Variants in MAST4 observed in about 807,000 individuals in gnomAD.
The protein encoded by MAST4 is microtubule-associated serine/threonine-protein kinase 4.
Under a neutral mutation model 162.7 loss-of-function variants are expected in MAST4, and 89 were observed. That is an observed-to-expected ratio of 0.55 (90% CI 0.46 to 0.65). The LOEUF (loss-of-function observed/expected upper bound fraction) is 0.65, where lower values mean the gene tolerates loss of function less well. Ranked by LOEUF, MAST4 falls within the 30% of genes least tolerant of loss-of-function variation. The pLI is 0.00. For missense variants in MAST4, 3,153 were observed against 3,374.0 expected (o/e 0.93, Z 1.62); for synonymous variants, 1,479 against 1,361.1 (o/e 1.09, Z -1.91).
At chr5:66,950,182 G>A (rs10500564) in intron 4 of MAST4, among the ~76,000 whole-genome samples, 8,388 of 151,790 alleles carry the variant, frequency 0.055, 333 homozygotes, top group Middle Eastern at 0.11. Context: ...ACTTGAAGTC[G>A]TATATATAAG....
At chr5:67,077,855 T>G (rs1761847115) in intron 5 of MAST4, among the ~76,000 whole-genome samples, 1 of 152,146 alleles carries the variant, frequency 6.6e-6, no homozygotes, top group Non-Finnish European at 1.5e-5. Context: ...ATCCCAGCAC[T>G]TTGGGAGGCC....
In MAST4 at chr5:66,825,261, G is replaced by GACACACAC. The variant is rs56076405; in HGVS notation, c.642+36513_642+36520dup. Among the ~76,000 whole-genome samples, 1,224 of 135,616 alleles carry GACACACAC rather than the reference G, an allele frequency of 9.0e-3. 12 individuals are homozygous for GACACACAC. Among genetic ancestry groups the GACACACAC allele is most frequent in the Middle Eastern group, 0.011 (3 of 268 alleles). 89.0% of individuals were successfully genotyped at this position (135,616 alleles called of 152,430 possible). A position where few individuals can be genotyped will look rare whatever the true frequency, so the allele number is the denominator to read the frequency against. The stretch of plus-strand genomic sequence containing the variant: ...TTTAACCTTTTTTGTTAAAAACTAA[G>GACACACAC]ACACACACACACACACACACACACA... On this transcript the variant is annotated intron_variant, in intron 3 of 28. Transcript: ENST00000403625.
intron 1 of MAST4, among the ~76,000 whole-genome samples, chr5:66,689,245 C>A (rs1031371667): frequency 3.5e-4 from 53 of 152,116 alleles, no homozygotes; most frequent in African/African-American, 1.2e-3. Context: ...GCTATCTAAC[C>A]TGATGTTGCT....
Position 66,596,886 on chromosome 5 carries a change from G to A in MAST4, c.231G>A (p.Ala77=). The A allele has an allele frequency of 8.6e-7, 1 of 1,162,100 alleles. No individual in the cohort carries two copies. 72.0% of individuals were successfully genotyped at this position (1,162,100 alleles called of 1,614,324 possible). Residue 77 remains alanine (A), a synonymous_variant, in exon 1 of 29, where the codon GCG becomes GCA. Transcript: ENST00000403625. ...PPLGGTLGAR[A]PAAWAPASVL... ...TGGGAGGCACCCTGGGCGCCCGGGC[G>A]CCCGCCGCGTGGGCTCCGGCAAGCG... is the stretch of plus-strand genomic sequence containing the variant.
intron 4 of MAST4, among the ~76,000 whole-genome samples, chr5:66,965,225 C>CTTTTTTTTT (rs1187971815): frequency 5.9e-5 from 5 of 84,892 alleles, no homozygotes; most frequent in Non-Finnish European, 1.2e-4. Flanking sequence ...TTTTTTTTTG[C>CTTTTTTTTT]TTTTTTTTTT....
At chr5:66,782,277 G>A (rs1219516821) in intron 2 of MAST4, among the ~76,000 whole-genome samples, 2 of 145,232 alleles carry the variant, frequency 1.4e-5, no homozygotes, top group Non-Finnish European at 3.0e-5. Flanking sequence ...GGACAAGAGC[G>A]AGACTTCGTC....
At chr5:67,049,027 ATATATATATATATACGTG>A (rs1757774996) in intron 4 of MAST4, among the ~76,000 whole-genome samples, 2 of 84,032 alleles carry the variant, frequency 2.4e-5, no homozygotes, top group Middle Eastern at 6.6e-3. Context: ...ATATACGTAT[ATATATATATATATACGTG>A]TATATATATA....
intron 1 of MAST4, among the ~76,000 whole-genome samples, chr5:66,633,829 T>A (rs1209085784): frequency 1.3e-5 from 2 of 152,168 alleles, no homozygotes; most frequent in Admixed American, 6.5e-5. Context: ...AGACAGCTGA[T>A]TCCTGAAAAC....
chr5:66,955,528 T>A (rs1035301465), intron 4 of MAST4, among the ~76,000 whole-genome samples: 1 of 152,098 alleles, frequency 6.6e-6, no homozygotes, highest in South Asian at 2.1e-4. Flanking sequence ...AAACATACAC[T>A]GAAGTACAGA....
intron 3 of MAST4, among the ~76,000 whole-genome samples, chr5:66,895,806 C>T (rs1762647627): frequency 1.3e-5 from 2 of 152,090 alleles, no homozygotes; most frequent in Non-Finnish European, 1.5e-5. Context: ...TCAGTCTTCC[C>T]TTCTCCCTGT....
At chr5:66,775,676 A>C (rs371407010) in intron 2 of MAST4, among the ~76,000 whole-genome samples, 1 of 90,966 alleles carries the variant, frequency 1.1e-5, no homozygotes, top group East Asian at 2.5e-4. Context: ...TCAAAAGAAC[A>C]ATGGTTCTTT....
At chr5:67,008,430 C>T (rs919816938) in intron 4 of MAST4, among the ~76,000 whole-genome samples, 1 of 152,214 alleles carries the variant, frequency 6.6e-6, no homozygotes, top group African/African-American at 2.4e-5. Context: ...TCAAGCTTCT[C>T]TTTTAATTAT....
chr5:67,113,628 T>C (rs1398358642), intron 11 of MAST4, among the ~76,000 whole-genome samples: 1 of 152,196 alleles, frequency 6.6e-6, no homozygotes, highest in Non-Finnish European at 1.5e-5. Context: ...GATACGTCTA[T>C]ATTAAGAGAG....
At chr5:67,133,010 A>G (rs1769180597) in intron 16 of MAST4, among the ~76,000 whole-genome samples, 1 of 152,138 alleles carries the variant, frequency 6.6e-6, no homozygotes, top group Non-Finnish European at 1.5e-5. Context: ...TTAATTGCAG[A>G]TTCTTTGCAT....
intron 4 of MAST4, among the ~76,000 whole-genome samples, chr5:66,983,910 C>G (rs568390183): frequency 2.7e-4 from 41 of 152,328 alleles, no homozygotes; most frequent in African/African-American, 8.9e-4. Context: ...TGGACCATGC[C>G]TCTCAAAATC....
intron 3 of MAST4, among the ~76,000 whole-genome samples, chr5:66,793,395 G>T (rs959238665): frequency 3.3e-5 from 5 of 152,170 alleles, no homozygotes; most frequent in Non-Finnish European, 7.3e-5. Flanking sequence ...TTTCCCATTT[G>T]CTTCTTCCAT....
At chr5:67,010,844 T>TG (rs1220701137) in intron 4 of MAST4, among the ~76,000 whole-genome samples, 1 of 151,882 alleles carries the variant, frequency 6.6e-6, no homozygotes, top group African/African-American at 2.4e-5. Flanking sequence ...TGCCCCAGGG[T>TG]GGGGGTGTCA....
intron 5 of MAST4, among the ~76,000 whole-genome samples, chr5:67,063,817 A>G (rs1189011115): frequency 2.0e-5 from 3 of 152,164 alleles, no homozygotes; most frequent in Non-Finnish European, 4.4e-5. Flanking sequence ...CATATTTTCC[A>G]TGTTAGAATT....
intron 5 of MAST4, among the ~76,000 whole-genome samples, chr5:67,061,630 G>A (rs907925633): frequency 6.6e-6 from 1 of 151,230 alleles, no homozygotes; most frequent in Admixed American, 6.6e-5. Flanking sequence ...GTTATGTATA[G>A]TTGTACAGAG....
Sources: gnomAD v4.1 joint callset for allele counts (sites outside exome capture counted in the v4.1 genomes callset) on GRCh38, gnomAD v4.1.1 for gene constraint, MANE v1.5 for transcripts, NCBI Gene and HGNC (gene_info 2026-07-23, HGNC 2026-07-21) for gene names.